CTNNBIP1: variants seen among roughly 807,000 people sequenced by gnomAD.
CTNNBIP1 encodes catenin beta interacting protein 1.
A neutral mutation model predicts 11.8 loss-of-function variants in CTNNBIP1; 7 were observed. The observed-to-expected ratio is 0.60, with a 90% CI of 0.34 to 1.12. The LOEUF is 1.12. CTNNBIP1 is among the 50% of genes most tolerant of loss of function. CTNNBIP1 has a pLI of 0.03. For synonymous variants in CTNNBIP1, 58 were observed against 43.9 expected, an observed-to-expected ratio of 1.32 and a Z score of -1.26; for missense variants, 101 against 113.4, an observed-to-expected ratio of 0.89 and a Z score of 0.50.
chr1:9,903,630 C>T (rs1289467547), intron 1 of CTNNBIP1, among the ~76,000 whole-genome samples: 2 of 152,160 alleles, frequency 1.3e-5, no homozygotes, highest in African/African-American at 2.4e-5. Flanking sequence ...TTGGCTCAAA[C>T]ACCACCATGC....
Position 9,850,702 on chromosome 1 carries a change from T to TC in CTNNBIP1, c.*15dup. The TC allele has an allele frequency of 6.2e-7, 1 of 1,613,326 alleles. No individual in the cohort carries two copies. Among genetic ancestry groups the TC allele is most frequent in the South Asian group, 1.1e-5 (1 of 91,070 alleles). On this transcript the variant is annotated 3_prime_UTR_variant, in exon 6 of 6. Transcript: ENST00000377263. The stretch of plus-strand genomic sequence containing the variant: ...TGGCCCTCAACAGCATCCAGGGTGT[T>TC]CCAAGGGCTTTGCAGCTACTGCCTC...
In CTNNBIP1 at chr1:9,850,007, C is replaced by A. The variant is rs1002393117; in HGVS notation, c.*711G>T. The A allele has an allele frequency of 6.6e-6, 1 of 152,488 alleles. No individual in the cohort carries two copies. The highest frequency in any genetic ancestry group is 6.6e-5 in the Admixed American group (1 of 15,258). The allele number at this position is 152,488 out of a possible 1,614,324, so 9.4% of individuals were successfully genotyped here. ...CCAGGTGGACCCTCAGGCCCAGAGCCGGCAGCAGAGGGGGGTGAATCCATG... is the reference window on the plus strand; with the variant it reads ...CCAGGTGGACCCTCAGGCCCAGAGCAGGCAGCAGAGGGGGGTGAATCCATG... On this transcript the variant is annotated 3_prime_UTR_variant, in exon 6 of 6. Transcript: ENST00000377263.
At chr1:9,884,662 G>A (rs974839212) in intron 1 of CTNNBIP1, among the ~76,000 whole-genome samples, 5 of 152,152 alleles carry the variant, frequency 3.3e-5, no homozygotes, top group African/African-American at 9.7e-5. Flanking sequence ...AGAAAAACCA[G>A]CCCCAAATGC....
chr1:9,858,195 G>A (rs764948950), intron 5 of CTNNBIP1, among the ~76,000 whole-genome samples: 68 of 152,182 alleles, frequency 4.5e-4, no homozygotes, highest in Admixed American at 8.5e-4. Flanking sequence ...CTGAATCCCC[G>A]CTTGCCTTGA....
In CTNNBIP1 at chr1:9,871,951, C is replaced by T. The variant is rs1638871383; in HGVS notation, c.96+18G>A. 1 of 1,606,430 alleles carries T rather than the reference C, an allele frequency of 6.2e-7. No individual in the cohort carries two copies. Among genetic ancestry groups the T allele is most frequent in the Admixed American group, 1.7e-5 (1 of 60,006 alleles). ...CCCTCCCTGGGGGCCCGCTGCCTGACACCCCACAGGCACTCACGTTTGATC... is the reference window on the plus strand; with the variant it reads ...CCCTCCCTGGGGGCCCGCTGCCTGATACCCCACAGGCACTCACGTTTGATC... On this transcript the variant is annotated intron_variant, in intron 4 of 5. Coordinates refer to ENST00000377263, the MANE Select transcript of CTNNBIP1 (RefSeq NM_020248.3). This position sits in a 1 kb window ranked among gnomAD's most constrained non-coding sequence, Gnocchi z 5.2.
chr1:9,865,070 T>C (rs1472268743), intron 5 of CTNNBIP1, among the ~76,000 whole-genome samples: 1 of 150,278 alleles, frequency 6.7e-6, no homozygotes, highest in Non-Finnish European at 1.5e-5. Flanking sequence ...CCCTACTAAA[T>C]ATACAAAAAT....
intron 5 of CTNNBIP1, among the ~76,000 whole-genome samples, chr1:9,852,456 G>A (rs977357865): frequency 1.3e-5 from 2 of 152,194 alleles, no homozygotes; most frequent in African/African-American, 4.8e-5. Flanking sequence ...GACACGAGTT[G>A]TCCAGCTTCC....
rs537979489 is a variant in CTNNBIP1, at chr1:9,852,650, C to G, written c.188-1874G>C. Among the ~76,000 whole-genome samples the G allele has an allele frequency of 3.3e-5, 5 of 152,284 alleles. No homozygotes were observed. The South Asian group carries it at 1.0e-3, about 32-fold the overall frequency. ...GCTGAGTTGGTTACCTAACAGATGC[C>G]GACTTTTCCTGAGTGCTGCTTGCCC... On this transcript the variant is annotated intron_variant, in intron 5 of 5. Coordinates refer to ENST00000377263, the MANE Select transcript of CTNNBIP1 (RefSeq NM_020248.3).
chr1:9,854,670 C>T (rs1638465399), intron 5 of CTNNBIP1, among the ~76,000 whole-genome samples: 1 of 151,664 alleles, frequency 6.6e-6, no homozygotes, highest in Admixed American at 6.6e-5. Context: ...ATAAGGAATC[C>T]ACTAAAAAAA....
rs549539399 is a variant in CTNNBIP1, at chr1:9,866,384, G to A, written c.187+4803C>T. Among the ~76,000 whole-genome samples, 17 of 152,330 alleles carry A rather than the reference G, an allele frequency of 1.1e-4. No homozygotes were observed. In the South Asian group the frequency reaches 2.9e-3, roughly 26 times the overall value. On this transcript the variant is annotated intron_variant, in intron 5 of 5. Coordinates refer to ENST00000377263, the MANE Select transcript of CTNNBIP1 (RefSeq NM_020248.3). Reference sequence around the variant, plus strand: ...GATTTTATCCTCAAGGCAGTGGGGAGCCACTGAATGATTTTAAGTTGGGTG... The same window carrying A: ...GATTTTATCCTCAAGGCAGTGGGGAACCACTGAATGATTTTAAGTTGGGTG...
At chr1:9,903,892 C>G (rs1478970692) in intron 1 of CTNNBIP1, among the ~76,000 whole-genome samples, 1 of 152,198 alleles carries the variant, frequency 6.6e-6, no homozygotes, top group African/African-American at 2.4e-5. Context: ...GTGCTCAGAG[C>G]TCTGCCTGGG....
chr1:9,884,878 T>C, intron 1 of CTNNBIP1, among the ~76,000 whole-genome samples: 1 of 151,708 alleles, frequency 6.6e-6, no homozygotes, highest in African/African-American at 2.4e-5. Flanking sequence ...ACAGAGGCCC[T>C]ATGGTGGGGG....
intron 5 of CTNNBIP1, among the ~76,000 whole-genome samples, chr1:9,859,418 G>A (rs1383594567): frequency 6.6e-6 from 1 of 152,196 alleles, no homozygotes; most frequent in Non-Finnish European, 1.5e-5. Flanking sequence ...GACAATGGGA[G>A]CTCAGGATGA....
intron 2 of CTNNBIP1, among the ~76,000 whole-genome samples, chr1:9,881,904 G>T (rs1402325393): frequency 5.3e-5 from 8 of 152,198 alleles, no homozygotes; most frequent in Admixed American, 1.3e-4. Context: ...TGACTGAGTG[G>T]CTGAGGAAAC....
In CTNNBIP1 at chr1:9,848,458, C is replaced by T. The variant is rs902691704; in HGVS notation, c.*2260G>A. On this transcript the variant is annotated 3_prime_UTR_variant, in exon 6 of 6. Coordinates refer to ENST00000377263, the MANE Select transcript of CTNNBIP1 (RefSeq NM_020248.3). This position sits in a 1 kb window ranked among gnomAD's most constrained non-coding sequence, Gnocchi z 4.3. ...GACAGGCTGGGGCAGAGACCACACA[C>T]TCAACCAGGTATCCACCAGGTGTGG... The T allele has an allele frequency of 6.6e-6, 1 of 152,202 alleles. No individual in the cohort carries two copies. The highest frequency in any genetic ancestry group is 1.9e-4 in the East Asian group (1 of 5,186). The allele number at this position is 152,202 out of a possible 1,614,324, so 9.4% of individuals were successfully genotyped here. A position where few individuals can be genotyped will look rare whatever the true frequency, so the allele number is the denominator to read the frequency against.
At chr1:9,868,502 A>C (rs1309071543) in intron 5 of CTNNBIP1, among the ~76,000 whole-genome samples, 1 of 152,214 alleles carries the variant, frequency 6.6e-6, no homozygotes, top group African/African-American at 2.4e-5. Context: ...AGTTCTCCTA[A>C]AAATATTTTT....
intron 2 of CTNNBIP1, among the ~76,000 whole-genome samples, chr1:9,880,549 G>A (rs1046321734): frequency 5.9e-5 from 9 of 152,218 alleles, no homozygotes; most frequent in African/African-American, 2.2e-4. Context: ...TTGAGGAATT[G>A]CCACACTGTC....
chr1:9,873,164 A>C (rs1173287847), intron 3 of CTNNBIP1, among the ~76,000 whole-genome samples: 1 of 152,012 alleles, frequency 6.6e-6, no homozygotes, highest in African/African-American at 2.4e-5. Context: ...CATTCCCCAT[A>C]AGCTAATGGG....
chr1:9,852,120 C>T (rs1056176207), intron 5 of CTNNBIP1, among the ~76,000 whole-genome samples: 1 of 152,160 alleles, frequency 6.6e-6, no homozygotes, highest in Non-Finnish European at 1.5e-5. Context: ...TGAAGTGAGG[C>T]TCCTGGCATG....
Sources: allele counts gnomAD v4.1 joint callset (sites outside exome capture counted in the v4.1 genomes callset), GRCh38; gene constraint gnomAD v4.1.1; non-coding constraint Gnocchi (gnomAD v3.1); transcripts MANE v1.5; gene names NCBI Gene and HGNC (gene_info 2026-07-23, HGNC 2026-07-21).